AADACL2: variants seen among roughly 807,000 people sequenced by gnomAD.
The protein encoded by AADACL2 is arylacetamide deacetylase-like 2.
AADACL2 carries 23 observed loss-of-function variants against 22.3 expected under a neutral mutation model. That is an observed-to-expected ratio of 1.03 (90% CI 0.74 to 1.46). The LOEUF (loss-of-function observed/expected upper bound fraction) is 1.46. Among genes scored for constraint, AADACL2 ranks in the 40% most tolerant of loss-of-function variants. The probability of loss-of-function intolerance (pLI) is 0.00; values close to 1 mark genes in which losing one functional copy is unlikely to be tolerated. For missense variants in AADACL2, 472 were observed against 482.9 expected (o/e 0.98, Z 0.21); for synonymous variants, 177 against 166.2 (o/e 1.07, Z -0.50).
In AADACL2 at chr3:151,757,729, C is replaced by A; in HGVS notation, c.*135C>A. 1.8e-6 allele frequency: 2 copies of A among 1,124,466 alleles called. No homozygotes were observed. Among genetic ancestry groups the A allele is most frequent in the Non-Finnish European group, 1.2e-6 (1 of 815,734 alleles). The allele number at this position is 1,124,466 out of a possible 1,614,324, so 69.7% of individuals were successfully genotyped here. A position where few individuals can be genotyped will look rare whatever the true frequency, so the allele number is the denominator to read the frequency against. ...ACATTTGTAGCAGTTAATGTGTGTC[C>A]TTGAAGAGTTATTAAATTTTCTGAC... On this transcript the variant is annotated 3_prime_UTR_variant, in exon 5 of 5. Coordinates refer to ENST00000356517, the MANE Select transcript of AADACL2 (RefSeq NM_207365.4).
intron 1 of AADACL2, among the ~76,000 whole-genome samples, chr3:151,739,397 T>G (rs1441546605): frequency 6.6e-6 from 1 of 152,214 alleles, no homozygotes; most frequent in African/African-American, 2.4e-5. Flanking sequence ...ACCAGCTTGA[T>G]GCCAGCCAGA....
At position 151,757,873 on chromosome 3, in the gene AADACL2, A is replaced by G; in HGVS notation, c.*279A>G. 4.3e-6 allele frequency: 1 copy of G among 233,100 alleles called. No homozygotes were observed. Among genetic ancestry groups the G allele is most frequent in the Non-Finnish European group, 8.3e-6 (1 of 120,972 alleles). 14.4% of individuals were successfully genotyped at this position (233,100 alleles called of 1,614,324 possible). A position where few individuals can be genotyped will look rare whatever the true frequency, so the allele number is the denominator to read the frequency against. ...ATGCTTATTAAAGTTGAGAAATAAG[A>G]GTGGTTATTGGCAAATTAAGCAAGA... On this transcript the variant is annotated 3_prime_UTR_variant, in exon 5 of 5. Coordinates refer to ENST00000356517, the MANE Select transcript of AADACL2 (RefSeq NM_207365.4).
chr3:151,758,344 T>C lies in AADACL2; in HGVS notation c.*750T>C, dbSNP rs62274258. 0.2 allele frequency: 29,707 copies of C among 150,940 alleles called. 3,019 individuals are homozygous for C. The highest frequency in any genetic ancestry group is 0.27 in the East Asian group (1,380 of 5,160). 9.4% of individuals were successfully genotyped at this position (150,940 alleles called of 1,614,324 possible). On this transcript the variant is annotated 3_prime_UTR_variant, in exon 5 of 5. Coordinates refer to ENST00000356517, the MANE Select transcript of AADACL2 (RefSeq NM_207365.4). ...GTCTAATCTCCCTATGGGCTTCTCTTAGAAAAACACATGTGTTTACATTTA... is the reference window on the plus strand; with the variant it reads ...GTCTAATCTCCCTATGGGCTTCTCTCAGAAAAACACATGTGTTTACATTTA...
intron 2 of AADACL2, among the ~76,000 whole-genome samples, chr3:151,742,552 T>TA (rs1207949288): frequency 6.6e-6 from 1 of 152,150 alleles, no homozygotes; most frequent in East Asian, 1.9e-4. Context: ...AAACTGGAAA[T>TA]AAGACCTCAA....
chr3:151,735,460 C>T (rs1240858218), intron 1 of AADACL2, among the ~76,000 whole-genome samples: 2 of 152,120 alleles, frequency 1.3e-5, no homozygotes, highest in Admixed American at 6.6e-5. Context: ...CATACTTCCT[C>T]GTCTTTAAAT....
chr3:151,754,561 A>T (rs1168763628), intron 4 of AADACL2, among the ~76,000 whole-genome samples: 2 of 152,148 alleles, frequency 1.3e-5, no homozygotes, highest in Non-Finnish European at 2.9e-5. Context: ...CATACTATCC[A>T]TTGTGTTTTC....
Position 151,740,636 on chromosome 3 carries a change from G to T in AADACL2, c.139-10G>T. 21 of 1,525,398 alleles carry T rather than the reference G, an allele frequency of 1.4e-5. No homozygotes were observed. Among genetic ancestry groups the T allele is most frequent in the South Asian group, 5.2e-5 (4 of 77,398 alleles). 94.5% of individuals were successfully genotyped at this position (1,525,398 alleles called of 1,614,324 possible). On this transcript the variant is annotated splice_polypyrimidine_tract_variant and intron_variant, in intron 1 of 4. Transcript: ENST00000356517. The stretch of plus-strand genomic sequence containing the variant: ...CTAAATATTTAATTTTGTTTGTTTT[G>T]TTCTTACAGGCTATGTGTTTTGAAA...
intron 4 of AADACL2, among the ~76,000 whole-genome samples, chr3:151,753,181 C>G (rs972510639): frequency 6.6e-6 from 1 of 152,102 alleles, no homozygotes; most frequent in African/African-American, 2.4e-5. Flanking sequence ...CACTGCATAT[C>G]AGTGTTATAG....
intron 4 of AADACL2, among the ~76,000 whole-genome samples, chr3:151,751,202 C>T (rs1713655548): frequency 1.3e-5 from 2 of 151,944 alleles, no homozygotes; most frequent in Non-Finnish European, 2.9e-5. Context: ...TGGAGAATGC[C>T]CTGCTTAGAG....
chr3:151,740,579 C>T, intron 1 of AADACL2, 67 bp from the exon 2 acceptor site: 2 of 1,051,176 alleles, frequency 1.9e-6, no homozygotes, highest in South Asian at 2.1e-5. Flanking sequence ...TTTTAACTTT[C>T]TTTTTAAATA....
intron 1 of AADACL2, among the ~76,000 whole-genome samples, chr3:151,738,959 G>T (rs933297813): frequency 6.6e-6 from 1 of 152,146 alleles, no homozygotes; most frequent in African/African-American, 2.4e-5. Flanking sequence ...TTAGCTCAGA[G>T]GAGCTTGTTA....
rs1714049834 is a variant in AADACL2 at position 151,758,812 on chromosome 3, A to AAG, written c.*1220_*1221dup. 1 of 152,076 alleles carries AAG rather than the reference A, an allele frequency of 6.6e-6. No homozygotes were observed. The highest frequency in any genetic ancestry group is 1.5e-5 in the Non-Finnish European group (1 of 67,966). The allele number at this position is 152,076 out of a possible 1,614,324, so 9.4% of individuals were successfully genotyped here. ...CCAACTAAGAAGTTAAAAATGTAGT[A>AAG]AGAAATGTGTATATGTATGAGTATG... On this transcript the variant is annotated 3_prime_UTR_variant, in exon 5 of 5. Coordinates refer to ENST00000356517, the MANE Select transcript of AADACL2 (RefSeq NM_207365.4).
intron 2 of AADACL2, among the ~76,000 whole-genome samples, chr3:151,742,770 C>T (rs1282388174): frequency 6.6e-6 from 1 of 152,156 alleles, no homozygotes; most frequent in African/African-American, 2.4e-5. Flanking sequence ...CCACCAGTTG[C>T]TTGAAAGCGG....
chr3:151,756,994 G>A lies in AADACL2; in HGVS notation c.606G>A (p.Val202=), dbSNP rs1391239987. 1.9e-6 allele frequency: 3 copies of A among 1,593,104 alleles called. No individual in the cohort carries two copies. Among genetic ancestry groups the A allele is most frequent in the Non-Finnish European group, 2.6e-6 (3 of 1,173,062 alleles). ...GNLATAVTQQ[V]QNDAEIKHKI... ...AGAATATTACCATATATTTTCAGGT[G>A]CAGAATGATGCTGAAATAAAACATA... Residue 202 remains valine, a splice_region_variant and synonymous_variant, in exon 5 of 5, where the codon GTG becomes GTA. Coordinates refer to ENST00000356517, the MANE Select transcript of AADACL2 (RefSeq NM_207365.4).
intron 4 of AADACL2, chr3:151,755,067 C>A (rs1713841282): frequency 1.3e-5 from 2 of 152,006 alleles, no homozygotes; most frequent in African/African-American, 4.8e-5. Context: ...ACTGTTGGGA[C>A]CTACTTGTTT....
rs746482766 is a variant in AADACL2, at chr3:151,757,338, C to A, written c.950C>A (p.Ala317Glu). The change falls in exon 5 of 5, where the codon GCA becomes GAA. Residue 317 changes from alanine to glutamate, a missense_variant. Coordinates refer to ENST00000356517, the MANE Select transcript of AADACL2 (RefSeq NM_207365.4). ...YSLPGLTDSRALPLLANDSQL... is the reference protein window; with the variant it reads ...YSLPGLTDSRELPLLANDSQL... ...TTGCCAGGACTTACAGACAGCAGAG[C>A]ATTACCCTTGTTGGCCAATGATTCT... The A allele has an allele frequency of 1.5e-5, 25 of 1,613,766 alleles. No homozygotes were observed. Among genetic ancestry groups the A allele is most frequent in the Non-Finnish European group, 2.1e-5 (25 of 1,179,726 alleles).
At chr3:151,753,261 TG>T (rs1418910748) in intron 4 of AADACL2, among the ~76,000 whole-genome samples, 1 of 152,194 alleles carries the variant, frequency 6.6e-6, no homozygotes, top group Non-Finnish European at 1.5e-5. Context: ...GTGGTATCAC[TG>T]TGAGTCCTGC....
rs1329462483 is a variant in AADACL2, at chr3:151,759,044, C to A, written c.*1450C>A. The A allele has an allele frequency of 1.3e-5, 2 of 151,926 alleles. No individual in the cohort carries two copies. Among genetic ancestry groups the A allele is most frequent in the African/African-American group, 4.8e-5 (2 of 41,368 alleles). The allele number at this position is 151,926 out of a possible 1,614,324, so 9.4% of individuals were successfully genotyped here. A position where few individuals can be genotyped will look rare whatever the true frequency, so the allele number is the denominator to read the frequency against. ...CTTTTTCTTTCACTCAATTTCAGTA[C>A]CCCAAAGCTAAAAACGCAAACATGA... On this transcript the variant is annotated 3_prime_UTR_variant, in exon 5 of 5. Coordinates refer to ENST00000356517, the MANE Select transcript of AADACL2 (RefSeq NM_207365.4).
intron 4 of AADACL2, 74 bp downstream of exon 4, chr3:151,745,754 TC>T (rs1560283562): frequency 1.4e-6 from 2 of 1,428,228 alleles, no homozygotes; most frequent in African/African-American, 1.5e-5. Flanking sequence ...ATTCAGTTCT[TC>T]CCCCACCATT....
Sources: gnomAD v4.1 joint callset for allele counts (sites outside exome capture counted in the v4.1 genomes callset) on GRCh38, gnomAD v4.1.1 for gene constraint, MANE v1.5 for transcripts, NCBI Gene and HGNC (gene_info 2026-07-23, HGNC 2026-07-21) for gene names.